The following JAKMIP3 variants were observed in gnomAD, a reference collection of about 807,000 sequenced individuals.
JAKMIP3 encodes Janus kinase and microtubule interacting protein 3.
A neutral mutation model predicts 118.5 loss-of-function variants in JAKMIP3; 58 were observed. That is an observed-to-expected ratio of 0.49 (90% confidence interval 0.40 to 0.61). JAKMIP3 has a LOEUF of 0.61. Ranked by LOEUF, JAKMIP3 falls within the 20% of genes least tolerant of loss-of-function variation. The pLI is 0.00. For synonymous variants in JAKMIP3, 486 were observed against 451.2 expected (o/e 1.08, Z -0.98); for missense variants, 950 against 1,109.0 (o/e 0.86, Z 2.04).
At chr10:132,056,017 G>C (rs1053849464) in intron 1 of JAKMIP3, among the ~76,000 whole-genome samples, 1 of 152,178 alleles carries the variant, frequency 6.6e-6, no homozygotes, top group African/African-American at 2.4e-5. Context: ...GGGGACACTT[G>C]AGTCCGCCTG....
chr10:132,108,450 G>T (rs1353682178), intron 2 of JAKMIP3, among the ~76,000 whole-genome samples: 1 of 152,088 alleles, frequency 6.6e-6, no homozygotes, highest in Admixed American at 6.5e-5. Context: ...AGCTTCCAGG[G>T]TGTGCAGCTA....
intron 1 of JAKMIP3, among the ~76,000 whole-genome samples, chr10:132,067,575 G>A (rs904231493): frequency 4.6e-5 from 7 of 152,146 alleles, no homozygotes; most frequent in Non-Finnish European, 1.0e-4. Context: ...TTCTTGGAAG[G>A]TTGATCTTGA....
chr10:132,119,635 C>G (rs571827119), intron 3 of JAKMIP3, among the ~76,000 whole-genome samples: 1 of 152,204 alleles, frequency 6.6e-6, no homozygotes, highest in Non-Finnish European at 1.5e-5. Context: ...TGGAGTAGCA[C>G]GTTCTCCTGC....
upstream of JAKMIP3, among the ~76,000 whole-genome samples, chr10:132,036,637 C>T (rs1589992620): frequency 6.6e-6 from 1 of 150,960 alleles, no homozygotes; most frequent in East Asian, 1.9e-4. Context: ...GGGTTCGGGG[C>T]TCCTGCCCGC....
In JAKMIP3 at chr10:132,179,649, G is replaced by A. The variant is rs2060515958; in HGVS notation, c.*1104-2708G>A. 6.6e-6 allele frequency among the ~76,000 whole-genome samples: 1 copy of A among 151,710 alleles called. No individual in the cohort carries two copies. ...GTTCTGGGGGTCCCCGAGACCACCT[G>A]CATCTCTGGGGACTCGCTAGGATTC... On this transcript the variant is annotated intron_variant, in intron 23 of 23. Coordinates refer to ENST00000684848, the MANE Select transcript of JAKMIP3 (RefSeq NM_001323087.2). This position sits in a 1 kb window ranked among gnomAD's most constrained non-coding sequence, Gnocchi z 4.3.
intron 1 of JAKMIP3, among the ~76,000 whole-genome samples, chr10:132,071,754 AT>A (rs2133991674): frequency 6.6e-6 from 1 of 152,034 alleles, no homozygotes; most frequent in Non-Finnish European, 1.5e-5. Context: ...ATGCCTTTAT[AT>A]TTAGAGTGGG....
intron 11 of JAKMIP3, among the ~76,000 whole-genome samples, chr10:132,143,151 G>C (rs367545723): frequency 6.6e-5 from 10 of 152,104 alleles, no homozygotes; most frequent in African/African-American, 2.4e-4. Flanking sequence ...TCGGGGTGGG[G>C]GGGGCTGGCC....
intron 1 of JAKMIP3, among the ~76,000 whole-genome samples, chr10:132,084,602 A>G (rs2042160586): frequency 6.6e-6 from 1 of 152,168 alleles, no homozygotes; most frequent in Non-Finnish European, 1.5e-5. Context: ...TGGGACTTCC[A>G]GTACTATGTT....
chr10:132,147,174 C>T (rs144169692), intron 13 of JAKMIP3, among the ~76,000 whole-genome samples: 19 of 152,336 alleles, frequency 1.2e-4, no homozygotes, highest in African/African-American at 3.8e-4. Context: ...GCTGGCCCTG[C>T]AAGGGGGTCC....
intron 17 of JAKMIP3, 22 bp from the exon 18 acceptor site, chr10:132,153,737 T>G: frequency 6.2e-7 from 1 of 1,612,622 alleles, no homozygotes; most frequent in Non-Finnish European, 8.5e-7. Flanking sequence ...GTCACTGTCC[T>G]GCTTGTTCTG....
intron 16 of JAKMIP3, among the ~76,000 whole-genome samples, chr10:132,150,772 G>A (rs557575487): frequency 7.1e-6 from 1 of 140,248 alleles, no homozygotes; most frequent in Non-Finnish European, 1.5e-5. Context: ...CATAATCCAT[G>A]TATCCGTCCT....
rs1236912057 is a variant in JAKMIP3, at chr10:132,044,616, C to A, written c.-138+7878C>A. Among the ~76,000 whole-genome samples, 2 of 152,076 alleles carry A rather than the reference C, an allele frequency of 1.3e-5. No homozygotes were observed. The highest frequency in any genetic ancestry group is 2.9e-5 in the Non-Finnish European group (2 of 68,018). ...GGCTGGGGTCCTGGCGCGGGCTCTTCCTCAGGGCAGCAGGACGCCACCACA... is the reference window on the plus strand; with the variant it reads ...GGCTGGGGTCCTGGCGCGGGCTCTTACTCAGGGCAGCAGGACGCCACCACA... On this transcript the variant is annotated intron_variant, in intron 1 of 23. Coordinates refer to the JAKMIP3 transcript ENST00000657785. The surrounding 1 kb of genome is among the most constrained non-coding windows in gnomAD (Gnocchi z 5.3).
At chr10:132,139,253 T>TGTGA (rs1266639985) in intron 9 of JAKMIP3, among the ~76,000 whole-genome samples, 41,541 of 121,714 alleles carry the variant, frequency 0.34, 6,769 homozygotes, top group Non-Finnish European at 0.39. Flanking sequence ...TGTGTGTATG[T>TGTGA]GTGTGTGTGT....
At chr10:132,036,660 G>T (rs1356689543), upstream of JAKMIP3, among the ~76,000 whole-genome samples, 3 of 150,392 alleles carry the variant, frequency 2.0e-5, no homozygotes, top group Admixed American at 1.3e-4. Context: ...TGACGGTGAC[G>T]CGCGCCCCCG....
At chr10:132,120,811 G>A (rs1217846185) in intron 3 of JAKMIP3, among the ~76,000 whole-genome samples, 1 of 152,208 alleles carries the variant, frequency 6.6e-6, no homozygotes, top group Non-Finnish European at 1.5e-5. Flanking sequence ...GAACACCCCG[G>A]CCTCTAAAAT....
chr10:132,083,857 G>A (rs2042071080), intron 1 of JAKMIP3, among the ~76,000 whole-genome samples: 1 of 151,952 alleles, frequency 6.6e-6, no homozygotes, highest in Admixed American at 6.6e-5. Flanking sequence ...GGGTTTATTT[G>A]AACCCAAAGT....
intron 19 of JAKMIP3, among the ~76,000 whole-genome samples, chr10:132,159,514 GTGTGTCT>G (rs2057617307): frequency 7.2e-6 from 1 of 138,636 alleles, no homozygotes; most frequent in Non-Finnish European, 1.5e-5. Flanking sequence ...GATGCTGGGG[GTGTGTCT>G]TCCTGTGTGA....
intron 3 of JAKMIP3, among the ~76,000 whole-genome samples, chr10:132,127,392 T>TGTGTG (rs2049794212): frequency 1.4e-5 from 2 of 146,868 alleles, no homozygotes; most frequent in African/African-American, 5.0e-5. Context: ...CTGGCTAATT[T>TGTGTG]TGTGTGTGTG....
chr10:132,176,828 C>A (rs2060181216), intron 23 of JAKMIP3, among the ~76,000 whole-genome samples: 1 of 152,018 alleles, frequency 6.6e-6, no homozygotes. Flanking sequence ...GCTTCTTGAA[C>A]ATTCCTGTGG....
Sources: gnomAD v4.1 joint callset for allele counts (sites outside exome capture counted in the v4.1 genomes callset) on GRCh38, gnomAD v4.1.1 for gene constraint, Gnocchi (gnomAD v3.1) non-coding constraint, MANE v1.5 for transcripts, NCBI Gene and HGNC (gene_info 2026-07-23, HGNC 2026-07-21) for gene names.